The following CREB3L2 variants were observed in gnomAD, a reference collection of about 807,000 sequenced individuals.
CREB3L2 encodes the protein cAMP responsive element binding protein 3 like 2.
A neutral mutation model predicts 57.2 loss-of-function variants in CREB3L2; 23 were observed. That is an observed-to-expected ratio of 0.40 (90% CI 0.29 to 0.57). CREB3L2 has a LOEUF of 0.57. CREB3L2 is among the 20% of genes least tolerant of loss of function. The probability of loss-of-function intolerance (pLI) is 0.42; values close to 1 mark genes in which losing one functional copy is unlikely to be tolerated. For synonymous variants in CREB3L2, 268 were observed against 265.1 expected (o/e 1.01, Z -0.11); for missense variants, 628 against 634.7 (o/e 0.99, Z 0.11).
At chr7:137,886,719 A>C (rs1189465757) in intron 8 of CREB3L2, among the ~76,000 whole-genome samples, 2 of 134,612 alleles carry the variant, frequency 1.5e-5, no homozygotes, top group African/African-American at 8.2e-5. Flanking sequence ...CAAGAGAGCA[A>C]GAGCAGAAAA....
chr7:137,996,777 C>T (rs1801994519), intron 1 of CREB3L2, among the ~76,000 whole-genome samples: 1 of 152,132 alleles, frequency 6.6e-6, no homozygotes, highest in South Asian at 2.1e-4. Context: ...GAAGAACCAA[C>T]CAGATATAAA....
In CREB3L2 at chr7:137,928,190, C is replaced by T. The variant is rs140359406; in HGVS notation, c.279G>A (p.Ser93=). 19 of 1,593,152 alleles carry T rather than the reference C, an allele frequency of 1.2e-5. No homozygotes were observed. The highest frequency in any genetic ancestry group is 5.4e-5 in the African/African-American group (4 of 74,474). ...YSLCEEPRAQ[S]PFTHITTSDS... The stretch of plus-strand genomic sequence containing the variant: ...CACTGGTGGTAATGTGGGTGAAGGG[C>T]GACTGGGCCCGAGGCTCCTCGCACA... Residue 93 remains serine (S), a synonymous_variant, in exon 2 of 12, where the codon TCG becomes TCA. Transcript: ENST00000330387.
In CREB3L2 at chr7:137,890,249, G is replaced by A. The variant is rs185475224; in HGVS notation, c.1044-4747C>T. ...CATCAGGGCAAATAAATATTGTGTG[G>A]TATTTTCTCTGGATACATCAAAGAT... On this transcript the variant is annotated intron_variant, in intron 8 of 11. Transcript: ENST00000330387. Among the ~76,000 whole-genome samples the A allele has an allele frequency of 5.3e-5, 8 of 152,298 alleles. No homozygotes were observed. In the East Asian group the frequency reaches 1.3e-3, roughly 26 times the overall value.
At chr7:137,922,390 A>G (rs1176510974) in intron 2 of CREB3L2, among the ~76,000 whole-genome samples, 856 of 18,132 alleles carry the variant, frequency 0.047, 27 homozygotes, top group African/African-American at 0.21. Context: ...ATATGTATAT[A>G]TATATATATA....
intron 1 of CREB3L2, among the ~76,000 whole-genome samples, chr7:137,988,558 T>C (rs903352526): frequency 1.3e-5 from 2 of 152,204 alleles, no homozygotes; most frequent in East Asian, 1.9e-4. Flanking sequence ...ATCCACCTGA[T>C]ACTTCCTTAG....
intron 1 of CREB3L2, among the ~76,000 whole-genome samples, chr7:137,996,887 G>C (rs1189565325): frequency 6.6e-6 from 1 of 152,174 alleles, no homozygotes; most frequent in Non-Finnish European, 1.5e-5. Flanking sequence ...CTTTCACAAA[G>C]ACTTAGTTTT....
intron 6 of CREB3L2, 144 bp from the exon 7 acceptor site, chr7:137,904,161 T>A (rs1799830523): frequency 2.9e-6 from 2 of 693,184 alleles, no homozygotes; most frequent in Admixed American, 2.5e-5. Context: ...TGCTGGTTCA[T>A]TGACTAGTCT....
intron 2 of CREB3L2, among the ~76,000 whole-genome samples, chr7:137,927,242 G>A (rs1014936676): frequency 4.4e-5 from 6 of 135,068 alleles, no homozygotes; most frequent in Non-Finnish European, 3.0e-5. Flanking sequence ...AGGAAGGGAG[G>A]GAACGGAACG....
Position 137,880,369 on chromosome 7 carries a change from C to T in CREB3L2, c.*107G>A. On this transcript the variant is annotated 3_prime_UTR_variant, in exon 12 of 12. Transcript: ENST00000330387. This position sits in a 1 kb window ranked among gnomAD's most constrained non-coding sequence, Gnocchi z 4.0. The stretch of plus-strand genomic sequence containing the variant: ...CAATCTGAAGCCACTAATGCTTGCC[C>T]ATGTCTCCATGAAGATCCAGTGGCA... 1.1e-6 allele frequency: 1 copy of T among 892,498 alleles called. No individual in the cohort carries two copies. Among genetic ancestry groups the T allele is most frequent in the Non-Finnish European group, 1.8e-6 (1 of 550,258 alleles). The allele number at this position is 892,498 out of a possible 1,614,324, so 55.3% of individuals were successfully genotyped here.
chr7:137,928,052 G>C (rs1800515513), intron 2 of CREB3L2, 98 bp downstream of exon 2: 2 of 940,630 alleles, frequency 2.1e-6, no homozygotes, highest in Non-Finnish European at 1.7e-6. Flanking sequence ...ACTAATAAGG[G>C]TGCTGACACC....
chr7:137,910,309 A>G (rs910848484), intron 4 of CREB3L2, among the ~76,000 whole-genome samples: 4 of 150,854 alleles, frequency 2.7e-5, no homozygotes, highest in Non-Finnish European at 4.4e-5. Context: ...GCTTTTCTCT[A>G]GATGTTTCCT....
chr7:137,988,579 A>C (rs1219499600), intron 1 of CREB3L2, among the ~76,000 whole-genome samples: 1 of 152,220 alleles, frequency 6.6e-6, no homozygotes, highest in East Asian at 1.9e-4. Context: ...TGGAAGAGTC[A>C]GAAGAATAAA....
At chr7:137,958,807 A>G (rs1283390195) in intron 1 of CREB3L2, among the ~76,000 whole-genome samples, 4 of 152,308 alleles carry the variant, frequency 2.6e-5, no homozygotes, top group Non-Finnish European at 5.9e-5. Flanking sequence ...CTGCCTGACC[A>G]CTGCTTAGAC....
intron 8 of CREB3L2, among the ~76,000 whole-genome samples, chr7:137,886,204 C>G (rs1273236150): frequency 6.6e-6 from 1 of 151,904 alleles, no homozygotes; most frequent in South Asian, 2.1e-4. Context: ...AAGAAAATGT[C>G]GATTAAAAGA....
At chr7:137,964,706 A>G (rs1315283061) in intron 1 of CREB3L2, among the ~76,000 whole-genome samples, 2 of 152,222 alleles carry the variant, frequency 1.3e-5, no homozygotes, top group Non-Finnish European at 2.9e-5. Flanking sequence ...TTCAAATTAT[A>G]GAGAGTCATA....
chr7:137,960,313 C>T (rs192745295), intron 1 of CREB3L2, among the ~76,000 whole-genome samples: 3 of 152,032 alleles, frequency 2.0e-5, no homozygotes, highest in Non-Finnish European at 4.4e-5. Context: ...GTGCTAAGTT[C>T]GTAACATAGA....
At chr7:137,932,749 A>C (rs1261236757) in intron 1 of CREB3L2, among the ~76,000 whole-genome samples, 1 of 152,230 alleles carries the variant, frequency 6.6e-6, no homozygotes, top group African/African-American at 2.4e-5. Flanking sequence ...GCCCAAGGTA[A>C]GAGGAAGATT....
intron 2 of CREB3L2, among the ~76,000 whole-genome samples, chr7:137,917,501 A>C (rs1800164091): frequency 6.6e-6 from 1 of 152,192 alleles, no homozygotes; most frequent in Non-Finnish European, 1.5e-5. Context: ...CACATTTCAC[A>C]TACTTAGTGA....
In CREB3L2 at chr7:138,001,082, A is replaced by AACACACACACAC. The variant is rs59967148; in HGVS notation, c.102+510_102+521dup. On this transcript the variant is annotated intron_variant, in intron 1 of 11. Coordinates refer to ENST00000330387, the MANE Select transcript of CREB3L2 (RefSeq NM_194071.4). The surrounding 1 kb of genome is among the most constrained non-coding windows in gnomAD (Gnocchi z 4.2). ...CTCCCTAACGTAGAGGAGCCCTTTC[A>AACACACACACAC]ACACACACACACACACACACACACA... is the stretch of plus-strand genomic sequence containing the variant. Among the ~76,000 whole-genome samples, 1,359 of 136,768 alleles carry AACACACACACAC rather than the reference A, an allele frequency of 9.9e-3. 15 individuals carry two copies. The highest frequency in any genetic ancestry group is 0.027 in the East Asian group (124 of 4,536). 89.7% of individuals were successfully genotyped at this position (136,768 alleles called of 152,430 possible). A position where few individuals can be genotyped will look rare whatever the true frequency, so the allele number is the denominator to read the frequency against.
Sources: gnomAD v4.1 joint callset for allele counts (sites outside exome capture counted in the v4.1 genomes callset) on GRCh38, gnomAD v4.1.1 for gene constraint, Gnocchi (gnomAD v3.1) non-coding constraint, MANE v1.5 for transcripts, NCBI Gene and HGNC (gene_info 2026-07-23, HGNC 2026-07-21) for gene names.